The following TRAT1 variants were observed in gnomAD, a reference collection of about 807,000 sequenced individuals.
The protein encoded by TRAT1 is T cell receptor associated transmembrane adaptor 1.
A neutral mutation model predicts 20.0 loss-of-function variants in TRAT1; 20 were observed. The ratio of observed to expected loss-of-function variants is 1.00; its 90% confidence interval spans 0.70 to 1.45. The LOEUF (loss-of-function observed/expected upper bound fraction) is 1.45. Among genes scored for constraint, TRAT1 ranks in the 40% most tolerant of loss-of-function variants. The probability of loss-of-function intolerance (pLI) is 0.00; values close to 1 mark genes in which losing one functional copy is unlikely to be tolerated. For synonymous variants in TRAT1, 77 were observed against 74.2 expected, an observed-to-expected ratio of 1.04 and a Z score of -0.20; for missense variants, 237 against 224.1, an observed-to-expected ratio of 1.06 and a Z score of -0.37.
intron 2 of TRAT1, 125 bp downstream of exon 2, chr3:108,830,905 A>T: frequency 1.5e-6 from 1 of 651,572 alleles, no homozygotes; most frequent in Non-Finnish European, 2.7e-6. Context: ...ATCTATAGAA[A>T]ATCTATTTGC....
intron 3 of TRAT1, among the ~76,000 whole-genome samples, chr3:108,845,773 C>T (rs190255399): frequency 3.3e-5 from 5 of 151,744 alleles, no homozygotes; most frequent in Admixed American, 6.6e-5. Context: ...TTAAAGCAGT[C>T]GGTACTATTT....
chr3:108,839,888 A>G (rs1475556507), intron 3 of TRAT1, among the ~76,000 whole-genome samples: 1 of 151,946 alleles, frequency 6.6e-6, no homozygotes, highest in Admixed American at 6.6e-5. Flanking sequence ...TAGTAAGGAA[A>G]TTTTACTTTT....
chr3:108,830,930 C>A, intron 2 of TRAT1, 150 bp downstream of exon 2: 1 of 607,668 alleles, frequency 1.6e-6, no homozygotes, highest in Non-Finnish European at 2.9e-6. Flanking sequence ...TTTTCTCGCC[C>A]AAAGGGTTCT....
In TRAT1 at chr3:108,849,219, G is replaced by A; in HGVS notation, c.268G>A (p.Val90Ile). 6.2e-7 allele frequency: 1 copy of A among 1,614,086 alleles called. No individual in the cohort carries two copies. The highest frequency in any genetic ancestry group is 8.5e-7 in the Non-Finnish European group (1 of 1,179,994). The change falls in exon 5 of 6, where the codon GTA becomes ATA. Residue 90 changes from valine (V) to isoleucine (I), a missense_variant. Coordinates refer to ENST00000295756, the MANE Select transcript of TRAT1 (RefSeq NM_016388.4). ...AATGAAAGCCCGACCAGAGAAATCT[G>A]TAAATAAGATGCAGGAAGCCACCCC... is the stretch of plus-strand genomic sequence containing the variant. ...EQMKARPEKS[V>I]NKMQEATPSA...
At chr3:108,843,954 A>C (rs1945917593) in intron 3 of TRAT1, among the ~76,000 whole-genome samples, 2 of 152,160 alleles carry the variant, frequency 1.3e-5, no homozygotes, top group African/African-American at 4.8e-5. Context: ...TCATTCCATA[A>C]ATAATGTCAT....
At chr3:108,832,765 A>G (rs954945975) in intron 2 of TRAT1, among the ~76,000 whole-genome samples, 9 of 152,194 alleles carry the variant, frequency 5.9e-5, no homozygotes, top group Non-Finnish European at 1.0e-4. Flanking sequence ...CTTGAGCTCA[A>G]TTGTCTAACT....
At chr3:108,838,841 T>C (rs1474542129) in intron 2 of TRAT1, 93 bp from the exon 3 acceptor site, 11 of 962,166 alleles carry the variant, frequency 1.1e-5, no homozygotes, top group Non-Finnish European at 1.5e-5. Context: ...TTAATTGACA[T>C]TGAGGCTAAA....
intron 3 of TRAT1, among the ~76,000 whole-genome samples, chr3:108,846,648 C>T (rs1559824716): frequency 6.6e-6 from 1 of 152,162 alleles, no homozygotes; most frequent in Non-Finnish European, 1.5e-5. Flanking sequence ...TCTAACTCTG[C>T]TATTTGTTAG....
Position 108,823,065 on chromosome 3 carries a change from A to T in TRAT1, c.7+131A>T, listed in dbSNP as rs534178644. The T allele has an allele frequency of 5.3e-5, 40 of 754,136 alleles. No individual in the cohort carries two copies. The African/African-American group carries it at 6.8e-4, about 13-fold the overall frequency. The allele number at this position is 754,136 out of a possible 1,614,324, so 46.7% of individuals were successfully genotyped here. A position where few individuals can be genotyped will look rare whatever the true frequency, so the allele number is the denominator to read the frequency against. ...AAAATGTTGGATAACTTTTAGTGTA[A>T]TTAAAATATATTTTGAAACATGTTA... On this transcript the variant is annotated intron_variant, in intron 1 of 5. Coordinates refer to ENST00000295756, the MANE Select transcript of TRAT1 (RefSeq NM_016388.4).
At chr3:108,838,069 T>C (rs966871436) in intron 2 of TRAT1, among the ~76,000 whole-genome samples, 5 of 152,192 alleles carry the variant, frequency 3.3e-5, no homozygotes, top group African/African-American at 1.2e-4. Flanking sequence ...GTGGTTTTGT[T>C]GTCCTACAAC....
At chr3:108,823,049 G>A in intron 1 of TRAT1, 115 bp downstream of exon 1, 1 of 917,664 alleles carries the variant, frequency 1.1e-6, no homozygotes, top group Non-Finnish European at 1.7e-6. Flanking sequence ...AAAAATGTTG[G>A]ATAACTTTTA....
intron 5 of TRAT1, 136 bp from the exon 6 acceptor site, chr3:108,853,484 G>A (rs760752306): frequency 3.0e-6 from 3 of 991,262 alleles, no homozygotes; most frequent in Non-Finnish European, 4.5e-6. Flanking sequence ...TTTGTTTTTT[G>A]TACTGACAAA....
Position 108,825,258 on chromosome 3 carries a change from G to A in TRAT1, c.7+2324G>A, listed in dbSNP as rs942190526. Among the ~76,000 whole-genome samples, 3 of 152,008 alleles carry A rather than the reference G, an allele frequency of 2.0e-5. No homozygotes were observed. The East Asian group carries it at 5.8e-4, about 29-fold the overall frequency. ...GTATTTTCTTTTTTCCTACCTATAT[G>A]CCTGTAGTCACTGCATCATCCATAA... On this transcript the variant is annotated intron_variant, in intron 1 of 5. Coordinates refer to ENST00000295756, the MANE Select transcript of TRAT1 (RefSeq NM_016388.4).
chr3:108,845,946 G>T (rs928164498), intron 3 of TRAT1, among the ~76,000 whole-genome samples: 1 of 152,140 alleles, frequency 6.6e-6, no homozygotes, highest in African/African-American at 2.4e-5. Flanking sequence ...CATTACTCAC[G>T]TGAGGCTGGA....
chr3:108,831,246 G>C (rs1016327948), intron 2 of TRAT1, among the ~76,000 whole-genome samples: 1 of 152,224 alleles, frequency 6.6e-6, no homozygotes. Context: ...AAAAGGAAGA[G>C]ATTGAACCAT....
At chr3:108,829,741 CAT>C (rs1945775546) in intron 1 of TRAT1, among the ~76,000 whole-genome samples, 1 of 152,116 alleles carries the variant, frequency 6.6e-6, no homozygotes, top group Non-Finnish European at 1.5e-5. Context: ...ATGCATTACT[CAT>C]ATGTTTATGG....
rs1158436686 is a variant in TRAT1 at position 108,847,080 on chromosome 3, T to G, written c.165T>G (p.Tyr55Ter). The G allele has an allele frequency of 6.5e-7, 1 of 1,534,258 alleles. No homozygotes were observed. Among genetic ancestry groups the G allele is most frequent in the African/African-American group, 1.4e-5 (1 of 72,962 alleles). The change falls in exon 4 of 6, where the codon TAT (tyrosine) becomes TAG (stop). Residue 55 changes from tyrosine (Y) to a stop codon, truncating the protein, a stop_gained. Transcript: ENST00000295756. LOFTEE classifies it high-confidence loss of function. ...TTCCTTGTTATAGGGTTGATGAGTA[T>G]TATATTGAAGACACACCAATTTATG... ...YSSDHTRVDEYYIEDTPIYGN... is the reference protein window; with the variant it reads ...YSSDHTRVDE
At chr3:108,844,766 T>C (rs1237258965) in intron 3 of TRAT1, among the ~76,000 whole-genome samples, 3 of 138,332 alleles carry the variant, frequency 2.2e-5, no homozygotes, top group Non-Finnish European at 4.5e-5. Context: ...ATGACGTGAA[T>C]CCGGGAGGCG....
chr3:108,824,093 A>C (rs1945715809), intron 1 of TRAT1, among the ~76,000 whole-genome samples: 1 of 152,066 alleles, frequency 6.6e-6, no homozygotes, highest in African/African-American at 2.4e-5. Context: ...GATGGTCTCG[A>C]TCTCTTGACC....
Sources: gnomAD v4.1 joint callset for allele counts (sites outside exome capture counted in the v4.1 genomes callset) on GRCh38, gnomAD v4.1.1 for gene constraint, MANE v1.5 for transcripts, NCBI Gene and HGNC (gene_info 2026-07-23, HGNC 2026-07-21) for gene names.